TMEM150C: variants seen among roughly 807,000 people sequenced by gnomAD.
The protein encoded by TMEM150C is tentonin 3.
A neutral mutation model predicts 29.9 loss-of-function variants in TMEM150C; 10 were observed. The observed-to-expected ratio is 0.33, with a 90% CI of 0.21 to 0.57. The LOEUF (loss-of-function observed/expected upper bound fraction) is 0.57. TMEM150C is among the 20% of genes least tolerant of loss of function. The pLI is 0.88. For synonymous variants in TMEM150C, 101 were observed against 112.5 expected, an observed-to-expected ratio of 0.90 and a Z score of 0.64; for missense variants, 251 against 303.6, an observed-to-expected ratio of 0.83 and a Z score of 1.29.
In TMEM150C at chr4:82,561,946, G is replaced by T; in HGVS notation, c.-51C>A. On this transcript the variant is annotated 5_prime_UTR_variant, in exon 1 of 8. Transcript: ENST00000449862. ...GGGGCCGCTGTCGCCTCGAGGGGCT[G>T]TGACCTGCTGCGGTGGCGGCGGCGG... 9.1e-7 allele frequency: 1 copy of T among 1,095,022 alleles called. No individual in the cohort carries two copies. The highest frequency in any genetic ancestry group is 1.1e-6 in the Non-Finnish European group (1 of 894,910). The allele number at this position is 1,095,022 out of a possible 1,614,324, so 67.8% of individuals were successfully genotyped here.
chr4:82,524,924 G>A (rs1006128653), intron 1 of TMEM150C, among the ~76,000 whole-genome samples: 1 of 152,204 alleles, frequency 6.6e-6, no homozygotes, highest in Non-Finnish European at 1.5e-5. Flanking sequence ...CAAAGGCACA[G>A]AAACACGGTG....
intron 1 of TMEM150C, among the ~76,000 whole-genome samples, chr4:82,527,824 GATAGAT>G (rs1217316263): frequency 4.6e-5 from 7 of 152,296 alleles, no homozygotes; most frequent in African/African-American, 1.4e-4. Context: ...GACACAGATA[GATAGAT>G]ATAAACGGGT....
Position 82,507,727 on chromosome 4 carries a change from C to CTTTTTTTTTTTTTTT in TMEM150C, c.-10-3075_-10-3061dup, listed in dbSNP as rs869112887. ...TTAAATTAACTCTCTCTCTCTCTCT[C>CTTTTTTTTTTTTTTT]TTTTTTTTTTTTTTTTTTTTTTTTT... is the stretch of plus-strand genomic sequence containing the variant. On this transcript the variant is annotated intron_variant, in intron 1 of 7. Transcript: ENST00000449862. Among the ~76,000 whole-genome samples, 29 of 20,560 alleles carry CTTTTTTTTTTTTTTT rather than the reference C, an allele frequency of 1.4e-3. 2 individuals are homozygous for CTTTTTTTTTTTTTTT. The highest frequency in any genetic ancestry group is 4.3e-3 in the South Asian group (2 of 470). The allele number at this position is 20,560 out of a possible 152,430, so 13.5% of individuals were successfully genotyped here. A position where few individuals can be genotyped will look rare whatever the true frequency, so the allele number is the denominator to read the frequency against.
At position 82,485,655 on chromosome 4, in the gene TMEM150C, C is replaced by T; in HGVS notation, c.606G>A (p.Met202Ile). The change falls in exon 8 of 8, where the codon ATG becomes ATA. Residue 202 changes from methionine (M) to isoleucine (I), a missense_variant. Met to Ile is a conservative substitution (Grantham distance 10). Transcript: ENST00000449862. The stretch of plus-strand genomic sequence containing the variant: ...AGGTGCCAAAATAAGACAGGAAGCA[C>T]ATGACCAGGCCCCACTGGACCCTGG... ...YAARVQWGLV[M>I]CFLSYFGTFA... The T allele has an allele frequency of 6.2e-7, 1 of 1,609,642 alleles. No individual in the cohort carries two copies. Among genetic ancestry groups the T allele is most frequent in the East Asian group, 2.2e-5 (1 of 44,776 alleles).
At chr4:82,547,459 C>T (rs972913464) in intron 1 of TMEM150C, among the ~76,000 whole-genome samples, 1 of 151,838 alleles carries the variant, frequency 6.6e-6, no homozygotes, top group Non-Finnish European at 1.5e-5. Context: ...CATGGTGGCA[C>T]ACGCCTGTAG....
intron 6 of TMEM150C, 157 bp downstream of exon 6, chr4:82,495,911 G>T: frequency 1.1e-6 from 1 of 884,488 alleles, no homozygotes; most frequent in South Asian, 1.8e-5. Flanking sequence ...CAGCTGAACA[G>T]CTCCGAGTTG....
chr4:82,530,008 G>A (rs1724784463), intron 1 of TMEM150C, among the ~76,000 whole-genome samples: 2 of 151,832 alleles, frequency 1.3e-5, no homozygotes, highest in South Asian at 4.2e-4. Flanking sequence ...TTCAGAGGAC[G>A]GGCCCTCAGC....
intron 1 of TMEM150C, among the ~76,000 whole-genome samples, chr4:82,543,911 G>A (rs777677182): frequency 1.3e-5 from 2 of 152,068 alleles, no homozygotes; most frequent in Non-Finnish European, 2.9e-5. Flanking sequence ...TCCCTTCAAT[G>A]TCCCCTAAGG....
intron 1 of TMEM150C, among the ~76,000 whole-genome samples, chr4:82,506,198 GAC>G (rs1281917220): frequency 6.6e-6 from 1 of 152,120 alleles, no homozygotes; most frequent in Non-Finnish European, 1.5e-5. Context: ...GGACTCTCTA[GAC>G]CTTCCAAGTG....
chr4:82,495,440 CA>C (rs1560481228), intron 6 of TMEM150C: 3 of 327,322 alleles, frequency 9.2e-6, no homozygotes, highest in Admixed American at 3.8e-5. Flanking sequence ...GACTCCGTCT[CA>C]AAAAAGAAAA....
intron 1 of TMEM150C, among the ~76,000 whole-genome samples, chr4:82,513,550 CAA>C (rs981398426): frequency 2.0e-5 from 3 of 151,530 alleles, no homozygotes; most frequent in Admixed American, 1.3e-4. Flanking sequence ...TGTGTGCCAA[CAA>C]AGTCTGTTGA....
chr4:82,536,452 A>G (rs1158276201), intron 1 of TMEM150C, among the ~76,000 whole-genome samples: 1 of 152,164 alleles, frequency 6.6e-6, no homozygotes, highest in Admixed American at 6.5e-5. Flanking sequence ...TTAGATACTC[A>G]AATCACACAC....
At chr4:82,486,361 A>G (rs867969057) in intron 7 of TMEM150C, among the ~76,000 whole-genome samples, 16 of 150,812 alleles carry the variant, frequency 1.1e-4, no homozygotes, top group Middle Eastern at 6.8e-3. Context: ...AAAAAAAAAA[A>G]AAGAAGAAAG....
At chr4:82,495,756 C>T (rs1723536066) in intron 6 of TMEM150C, 1 of 371,144 alleles carries the variant, frequency 2.7e-6, no homozygotes, top group Non-Finnish European at 5.2e-6. Flanking sequence ...CCACATAACC[C>T]TTCCATTCTT....
chr4:82,495,523 G>A, intron 6 of TMEM150C: 1 of 364,802 alleles, frequency 2.7e-6, no homozygotes, highest in Non-Finnish European at 5.4e-6. Flanking sequence ...TCCAGGTATA[G>A]CCTTCTCTCT....
chr4:82,545,851 G>C (rs532257077), intron 1 of TMEM150C, among the ~76,000 whole-genome samples: 40 of 152,240 alleles, frequency 2.6e-4, no homozygotes, highest in Non-Finnish European at 4.6e-4. Flanking sequence ...CTGGAACCCA[G>C]GAGGCGGAGG....
At chr4:82,512,763 T>C (rs1182809932) in intron 1 of TMEM150C, among the ~76,000 whole-genome samples, 1 of 152,214 alleles carries the variant, frequency 6.6e-6, no homozygotes, top group Non-Finnish European at 1.5e-5. Context: ...AATTATACAC[T>C]TAGCAATGGT....
chr4:82,541,430 GA>G (rs1050840924), intron 1 of TMEM150C, among the ~76,000 whole-genome samples: 12 of 151,988 alleles, frequency 7.9e-5, no homozygotes, highest in African/African-American at 2.9e-4. Context: ...AAAAACAGAA[GA>G]AAAAGAAGGA....
At chr4:82,491,403 G>A in intron 6 of TMEM150C, 2 of 650,468 alleles carry the variant, frequency 3.1e-6, no homozygotes, top group Non-Finnish European at 5.5e-6. Flanking sequence ...AGCACTTACA[G>A]AGGTTAATTG....
Sources: gnomAD v4.1 joint callset for allele counts (sites outside exome capture counted in the v4.1 genomes callset) on GRCh38, gnomAD v4.1.1 for gene constraint, MANE v1.5 for transcripts, NCBI Gene and HGNC (gene_info 2026-07-23, HGNC 2026-07-21) for gene names.